The following GFOD1 variants were observed in gnomAD, a reference collection of about 807,000 sequenced individuals.
GFOD1 encodes Gfo/Idh/MocA-like oxidoreductase domain containing 1.
In GFOD1, 9 loss-of-function variants were observed where a neutral mutation model predicts 25.4. That is an observed-to-expected ratio of 0.35 (90% CI 0.21 to 0.62). The LOEUF is 0.62. Among genes scored for constraint, GFOD1 ranks in the 20% least tolerant of loss-of-function variants. The pLI, the probability that GFOD1 is intolerant of heterozygous loss-of-function variation, is 0.72. For synonymous variants in GFOD1, 253 were observed against 245.6 expected (o/e 1.03, Z -0.28); for missense variants, 403 against 556.9 (o/e 0.72, Z 2.78).
At chr6:13,395,230 C>A (rs1482377443) in intron 1 of GFOD1, among the ~76,000 whole-genome samples, 1 of 152,172 alleles carries the variant, frequency 6.6e-6, no homozygotes, top group African/African-American at 2.4e-5. Context: ...ATTGCCCTCA[C>A]AATGTCCCTT....
At chr6:13,455,898 T>C (rs571156545) in intron 1 of GFOD1, among the ~76,000 whole-genome samples, 1 of 152,210 alleles carries the variant, frequency 6.6e-6, no homozygotes, top group Non-Finnish European at 1.5e-5. Flanking sequence ...TGGTACAGCA[T>C]TGTCCAATAG....
At chr6:13,446,605 C>T (rs758100057) in intron 1 of GFOD1, among the ~76,000 whole-genome samples, 1 of 152,160 alleles carries the variant, frequency 6.6e-6, no homozygotes, top group Non-Finnish European at 1.5e-5. Context: ...TATCAAGCAG[C>T]GTCAGCAAAC....
At chr6:13,463,364 TTAAAA>T in intron 1 of GFOD1, among the ~76,000 whole-genome samples, 1 of 152,218 alleles carries the variant, frequency 6.6e-6, no homozygotes, top group Non-Finnish European at 1.5e-5. Flanking sequence ...CACAAATTAA[TTAAAA>T]TGAAAGACAA....
At chr6:13,476,285 G>A (rs1021358582) in intron 1 of GFOD1, among the ~76,000 whole-genome samples, 5 of 152,206 alleles carry the variant, frequency 3.3e-5, no homozygotes, top group Non-Finnish European at 5.9e-5. Flanking sequence ...CTTCTGAGCC[G>A]TGCAACAACA....
At chr6:13,393,161 GC>G (rs1323827388) in intron 1 of GFOD1, among the ~76,000 whole-genome samples, 4 of 151,988 alleles carry the variant, frequency 2.6e-5, no homozygotes, top group Non-Finnish European at 5.9e-5. Flanking sequence ...TTCAAGACCA[GC>G]CTGGGCAACA....
At chr6:13,460,537 C>G (rs2127575350) in intron 1 of GFOD1, among the ~76,000 whole-genome samples, 1 of 152,298 alleles carries the variant, frequency 6.6e-6, no homozygotes, top group South Asian at 2.1e-4. Context: ...TGGAAGCCAT[C>G]ATTCTCAGCA....
intron 1 of GFOD1, among the ~76,000 whole-genome samples, chr6:13,401,814 C>T (rs1198985345): frequency 2.6e-5 from 4 of 152,132 alleles, no homozygotes; most frequent in African/African-American, 9.7e-5. Context: ...TGTAGAAATT[C>T]ACAAGCTGGT....
chr6:13,409,044 C>T (rs1481001753), intron 1 of GFOD1, among the ~76,000 whole-genome samples: 1 of 147,350 alleles, frequency 6.8e-6, no homozygotes, highest in Non-Finnish European at 1.5e-5. Context: ...GAGATTGTGC[C>T]ATTGCCCTCC....
chr6:13,392,683 T>C (rs1785638090), intron 1 of GFOD1, among the ~76,000 whole-genome samples: 1 of 152,088 alleles, frequency 6.6e-6, no homozygotes. Context: ...TCTTGTCATT[T>C]CATATTGTGA....
intron 1 of GFOD1, among the ~76,000 whole-genome samples, chr6:13,416,652 A>G (rs1451547146): frequency 6.6e-6 from 1 of 152,178 alleles, no homozygotes; most frequent in Non-Finnish European, 1.5e-5. Flanking sequence ...AGAAGCTTAA[A>G]TTTTATCCTA....
At chr6:13,452,169 C>T (rs1758109217) in intron 1 of GFOD1, among the ~76,000 whole-genome samples, 1 of 152,092 alleles carries the variant, frequency 6.6e-6, no homozygotes, top group African/African-American at 2.4e-5. Context: ...CCATGAGATC[C>T]AATCAAATGC....
chr6:13,403,813 A>G (rs1054345168), intron 1 of GFOD1, among the ~76,000 whole-genome samples: 5 of 152,242 alleles, frequency 3.3e-5, no homozygotes, highest in African/African-American at 1.2e-4. Flanking sequence ...AAATCTCCAG[A>G]AAAGGCAAAT....
At chr6:13,427,919 G>A (rs575321605) in intron 1 of GFOD1, among the ~76,000 whole-genome samples, 1 of 152,242 alleles carries the variant, frequency 6.6e-6, no homozygotes, top group South Asian at 2.1e-4. Flanking sequence ...GCGTGGGAAG[G>A]AACTACTAAA....
At chr6:13,453,613 A>C (rs1731849534) in intron 1 of GFOD1, among the ~76,000 whole-genome samples, 1 of 152,228 alleles carries the variant, frequency 6.6e-6, no homozygotes, top group South Asian at 2.1e-4. Flanking sequence ...CATAACTTTA[A>C]ACAAGCAAGT....
At chr6:13,390,771 GAGAGAGAGA>G in intron 1 of GFOD1, among the ~76,000 whole-genome samples, 1 of 124,924 alleles carries the variant, frequency 8.0e-6, no homozygotes, top group African/African-American at 4.4e-5. Flanking sequence ...AAGAGAGAGA[GAGAGAGAGA>G]AAGGAAGGAA....
At chr6:13,367,800 T>A (rs539518421) in intron 1 of GFOD1, among the ~76,000 whole-genome samples, 1 of 147,364 alleles carries the variant, frequency 6.8e-6, no homozygotes, top group Admixed American at 6.8e-5. Context: ...TGTTAGCAAG[T>A]CAGATAAAAC....
intron 1 of GFOD1, among the ~76,000 whole-genome samples, chr6:13,409,390 AGG>A (rs1554201968): frequency 4.0e-5 from 6 of 148,660 alleles, no homozygotes; most frequent in East Asian, 2.0e-4. Flanking sequence ...GAAGGAAGGA[AGG>A]AAAAAAACAA....
At chr6:13,476,116 A>G (rs1044705507) in intron 1 of GFOD1, among the ~76,000 whole-genome samples, 1 of 152,248 alleles carries the variant, frequency 6.6e-6, no homozygotes, top group Non-Finnish European at 1.5e-5. Flanking sequence ...AAATGAAAAC[A>G]TGGCTCCACA....
intron 1 of GFOD1, among the ~76,000 whole-genome samples, chr6:13,387,264 GT>G (rs1263986232): frequency 2.0e-5 from 3 of 152,128 alleles, no homozygotes; most frequent in African/African-American, 7.2e-5. Flanking sequence ...CCTTTTCATA[GT>G]CAAGGGAATG....
Sources: gnomAD v4.1 joint callset for allele counts (sites outside exome capture counted in the v4.1 genomes callset) on GRCh38, gnomAD v4.1.1 for gene constraint, MANE v1.5 for transcripts, NCBI Gene and HGNC (gene_info 2026-07-23, HGNC 2026-07-21) for gene names.